HIVEP3: variants seen among roughly 807,000 people sequenced by gnomAD.
HIVEP3 encodes HIVEP zinc finger 3.
In HIVEP3, 49 loss-of-function variants were observed where a neutral mutation model predicts 152.8. The observed-to-expected ratio is 0.32, with a 90% confidence interval of 0.26 to 0.41. The LOEUF is 0.41. Ranked by LOEUF, HIVEP3 falls within the 10% of genes least tolerant of loss-of-function variation. HIVEP3 has a pLI of 1.00. For synonymous variants in HIVEP3, 1,269 were observed against 1,289.0 expected (o/e 0.98, Z 0.33); for missense variants, 2,790 against 3,103.3 (o/e 0.90, Z 2.40).
intron 1 of HIVEP3, among the ~76,000 whole-genome samples, chr1:41,798,539 C>A (rs1390503469): frequency 6.6e-6 from 1 of 152,214 alleles, no homozygotes; most frequent in African/African-American, 2.4e-5. Context: ...AACAAAGATA[C>A]AACAGAATAA....
chr1:41,741,924 A>G, intron 1 of HIVEP3, among the ~76,000 whole-genome samples: 1 of 152,226 alleles, frequency 6.6e-6, no homozygotes, highest in East Asian at 1.9e-4. Flanking sequence ...TGTCTAAGAT[A>G]GACTGAGGGC....
chr1:41,734,862 C>T (rs1339014449), intron 1 of HIVEP3, among the ~76,000 whole-genome samples: 1 of 152,170 alleles, frequency 6.6e-6, no homozygotes, highest in Admixed American at 6.5e-5. Context: ...AGGTTTAGGG[C>T]TGTTGTCTGC....
intron 5 of HIVEP3, among the ~76,000 whole-genome samples, chr1:41,554,502 G>A (rs967019798): frequency 2.0e-5 from 3 of 152,190 alleles, no homozygotes; most frequent in South Asian, 4.2e-4. Context: ...GCTTGTCAAA[G>A]TTATTCTCCA....
rs552982184 is a variant in HIVEP3, at chr1:41,510,569, C to T, written c.7103G>A (p.Arg2368Gln). The T allele has an allele frequency of 2.5e-5, 39 of 1,564,750 alleles. No individual in the cohort carries two copies. The highest frequency in any genetic ancestry group is 1.6e-4 in the South Asian group (14 of 85,272). The change falls in exon 9 of 9, where the codon CGG becomes CAG. Residue 2368 changes from arginine (R) to glutamine (Q), a missense_variant. Around this residue, in one of 9 missense-constraint regions of HIVEP3, gnomAD observed 816 missense variants for 806.5 expected, o/e 1.01. Transcript: ENST00000372583. The part of the protein sequence containing the change: ...LAEASARFPA[R>Q]TRNLSGEPRT... Reference sequence around the variant, plus strand: ...GGGTTCCCCGGAGAGGTTCCTCGTCCGGGCTGGGAAGCGGGCAGAGGCCTC... The same window carrying T: ...GGGTTCCCCGGAGAGGTTCCTCGTCTGGGCTGGGAAGCGGGCAGAGGCCTC...
intron 5 of HIVEP3, among the ~76,000 whole-genome samples, chr1:41,566,762 C>T (rs1463021870): frequency 6.6e-6 from 1 of 152,158 alleles, no homozygotes; most frequent in Non-Finnish European, 1.5e-5. Context: ...CTTCTCTTGG[C>T]ATCCAGGATT....
At chr1:41,971,034 T>C (rs1216845331) in intron 1 of HIVEP3, among the ~76,000 whole-genome samples, 1 of 152,238 alleles carries the variant, frequency 6.6e-6, no homozygotes, top group Non-Finnish European at 1.5e-5. Flanking sequence ...CCTGATTTAA[T>C]TTTTAAATTG....
At chr1:41,637,346 T>C (rs917407736) in intron 2 of HIVEP3, among the ~76,000 whole-genome samples, 1 of 152,214 alleles carries the variant, frequency 6.6e-6, no homozygotes, top group African/African-American at 2.4e-5. Context: ...GATAAACATA[T>C]ACTCCTACCA....
chr1:41,702,078 C>T (rs140601152), intron 1 of HIVEP3, among the ~76,000 whole-genome samples: 1 of 152,230 alleles, frequency 6.6e-6, no homozygotes, highest in Non-Finnish European at 1.5e-5. Context: ...GAGATGTAAT[C>T]CTGACATTGG....
chr1:41,538,353 G>A (rs1643448873), intron 5 of HIVEP3, among the ~76,000 whole-genome samples: 1 of 152,128 alleles, frequency 6.6e-6, no homozygotes, highest in African/African-American at 2.4e-5. Flanking sequence ...TTCAGCAGTG[G>A]CCCGACAGAA....
At position 41,967,857 on chromosome 1, in the gene HIVEP3, A is replaced by T. The variant is rs996220623; in HGVS notation, n.120-49333T>A. 4.6e-5 allele frequency among the ~76,000 whole-genome samples: 7 copies of T among 152,352 alleles called. No individual in the cohort carries two copies. In the East Asian group the frequency reaches 9.6e-4, roughly 21 times the overall value. ...GACACAGTAAAAATTGATAAAGGGGATATCATCACAGACCCCACAAAAATA... is the reference window on the plus strand; with the variant it reads ...GACACAGTAAAAATTGATAAAGGGGTTATCATCACAGACCCCACAAAAATA... On this transcript the variant is annotated intron_variant and non_coding_transcript_variant, in intron 1 of 3. Transcript: ENST00000489103.
chr1:41,992,576 A>G (rs1211003341), intron 1 of HIVEP3, among the ~76,000 whole-genome samples: 1 of 148,936 alleles, frequency 6.7e-6, no homozygotes, highest in Non-Finnish European at 1.5e-5. Context: ...ATACTGCCCA[A>G]GGTAATTTAC....
At chr1:41,570,512 C>T (rs1028153539) in intron 5 of HIVEP3, among the ~76,000 whole-genome samples, 1 of 152,140 alleles carries the variant, frequency 6.6e-6, no homozygotes, top group Non-Finnish European at 1.5e-5. Context: ...TTCCCCTTCA[C>T]CTTCCACCAT....
At chr1:41,512,353 C>T (rs1403994148) in intron 8 of HIVEP3, among the ~76,000 whole-genome samples, 3 of 152,166 alleles carry the variant, frequency 2.0e-5, no homozygotes, top group Non-Finnish European at 4.4e-5. Flanking sequence ...CTTGCTTCCA[C>T]TCTGCCATGT....
chr1:42,033,066 G>A (rs903183456), intron 1 of HIVEP3, among the ~76,000 whole-genome samples: 1 of 152,140 alleles, frequency 6.6e-6, no homozygotes, highest in Non-Finnish European at 1.5e-5. Flanking sequence ...CCCGCATGCA[G>A]AGGGATTTAT....
At chr1:41,655,536 T>C (rs2124028975) in intron 2 of HIVEP3, among the ~76,000 whole-genome samples, 1 of 137,998 alleles carries the variant, frequency 7.2e-6, no homozygotes, top group African/African-American at 2.8e-5. Context: ...TGAGAAGAGA[T>C]TGTGCCATTG....
chr1:41,621,922 C>T (rs1387122462), intron 3 of HIVEP3, among the ~76,000 whole-genome samples: 7 of 152,244 alleles, frequency 4.6e-5, no homozygotes, highest in Admixed American at 2.6e-4. Flanking sequence ...CAAATGCCTT[C>T]ACCTTCCTCT....
chr1:41,826,563 C>A (rs142743149), intron 1 of HIVEP3, among the ~76,000 whole-genome samples: 5 of 152,326 alleles, frequency 3.3e-5, no homozygotes, highest in Non-Finnish European at 5.9e-5. Context: ...AGTCTGACTT[C>A]CAGTGGGGGC....
At chr1:41,633,289 A>T (rs1329626811) in intron 2 of HIVEP3, among the ~76,000 whole-genome samples, 1 of 152,202 alleles carries the variant, frequency 6.6e-6, no homozygotes, top group African/African-American at 2.4e-5. Context: ...TCCGAGGGAA[A>T]ACAGACGAGA....
At chr1:41,735,020 C>A (rs1185725148) in intron 1 of HIVEP3, among the ~76,000 whole-genome samples, 1 of 152,182 alleles carries the variant, frequency 6.6e-6, no homozygotes, top group Non-Finnish European at 1.5e-5. Flanking sequence ...CACCAACATG[C>A]TCTGCAACAG....
Sources: allele counts gnomAD v4.1 joint callset (sites outside exome capture counted in the v4.1 genomes callset), GRCh38; gene constraint gnomAD v4.1.1; regional missense constraint gnomAD v4.1.1; transcripts MANE v1.5; gene names NCBI Gene and HGNC (gene_info 2026-07-23, HGNC 2026-07-21).